The following CCDC30 variants were observed in gnomAD, a reference collection of about 807,000 sequenced individuals.
CCDC30 encodes coiled-coil domain-containing protein 30.
In CCDC30, 70 loss-of-function variants were observed where a neutral mutation model predicts 100.2. That is an observed-to-expected ratio of 0.70 (90% CI 0.58 to 0.85). The LOEUF (loss-of-function observed/expected upper bound fraction) is 0.85, where lower values mean the gene tolerates loss of function less well. Ranked by LOEUF, CCDC30 falls within the 40% of genes least tolerant of loss-of-function variation. CCDC30 has a pLI of 0.00. For synonymous variants in CCDC30, 233 were observed against 269.5 expected (o/e 0.86, Z 1.33); for missense variants, 652 against 771.2 (o/e 0.85, Z 1.83).
upstream of CCDC30, among the ~76,000 whole-genome samples, chr1:42,463,159 G>A (rs527293635): frequency 5.9e-5 from 9 of 152,302 alleles, no homozygotes; most frequent in South Asian, 1.7e-3. Context: ...CCCCCGACCC[G>A]AAGGCCAATG....
intron 11 of CCDC30, among the ~76,000 whole-genome samples, chr1:42,636,623 A>G (rs906264645): frequency 6.6e-6 from 1 of 152,126 alleles, no homozygotes; most frequent in African/African-American, 2.4e-5. Flanking sequence ...AAAATCAAGG[A>G]GTTTCCTAAA....
At chr1:42,600,808 G>GC (rs1553121287) in intron 10 of CCDC30, among the ~76,000 whole-genome samples, 2 of 146,784 alleles carry the variant, frequency 1.4e-5, no homozygotes, top group African/African-American at 5.0e-5. Flanking sequence ...TTCCCCCTGT[G>GC]CTCTCTCTCT....
At chr1:42,483,498 C>T (rs912530672) in intron 3 of CCDC30, among the ~76,000 whole-genome samples, 1 of 152,116 alleles carries the variant, frequency 6.6e-6, no homozygotes, top group Non-Finnish European at 1.5e-5. Flanking sequence ...ATTTTAGTTC[C>T]TCCACCTTGG....
At chr1:42,638,283 G>T (rs1360949580) in intron 12 of CCDC30, among the ~76,000 whole-genome samples, 1 of 152,112 alleles carries the variant, frequency 6.6e-6, no homozygotes, top group African/African-American at 2.4e-5. Flanking sequence ...GAGGCCAGGA[G>T]TTCAAGGTTA....
At chr1:42,589,402 C>T (rs200319474) in exon 10 of CCDC30, 121 of 1,613,610 alleles carry the variant, frequency 7.5e-5, no homozygotes, top group Admixed American at 7.0e-4. Context: ...TGGAAATGAC[C>T]TGTTCTCAGC....
At chr1:42,578,238 A>T (rs1052390494) in intron 8 of CCDC30, among the ~76,000 whole-genome samples, 1 of 152,366 alleles carries the variant, frequency 6.6e-6, no homozygotes, top group East Asian at 1.9e-4. Context: ...AACTAAAAAA[A>T]TCTAATGTTG....
downstream of CCDC30, among the ~76,000 whole-genome samples, chr1:42,656,104 C>A (rs754529119): frequency 6.6e-6 from 1 of 152,082 alleles, no homozygotes; most frequent in Middle Eastern, 3.4e-3. Context: ...TTTCTGGGCT[C>A]AAGTGATCCT....
intron 2 of CCDC30, among the ~76,000 whole-genome samples, chr1:42,481,966 C>G (rs1188692097): frequency 6.6e-6 from 1 of 152,084 alleles, no homozygotes; most frequent in Non-Finnish European, 1.5e-5. Context: ...TGCCTGTAAT[C>G]CCAGCACTTT....
At chr1:42,514,625 A>AT (rs950287581) in intron 6 of CCDC30, among the ~76,000 whole-genome samples, 2 of 151,958 alleles carry the variant, frequency 1.3e-5, no homozygotes, top group Admixed American at 1.3e-4. Flanking sequence ...CTCTTTATAT[A>AT]TTTTGTATAT....
At chr1:42,607,714 A>C (rs1322969594) in intron 10 of CCDC30, among the ~76,000 whole-genome samples, 1 of 152,224 alleles carries the variant, frequency 6.6e-6, no homozygotes, top group Non-Finnish European at 1.5e-5. Context: ...CACGGATTTA[A>C]AGCAGAAAGG....
chr1:42,555,425 A>G (rs1214308405), intron 6 of CCDC30, among the ~76,000 whole-genome samples: 1 of 152,068 alleles, frequency 6.6e-6, no homozygotes, highest in East Asian at 1.9e-4. Flanking sequence ...TTTCTCACTA[A>G]ATTGTAAGCT....
the CCDC30 span, chr1:42,457,690 C>A: frequency 1.8e-5 from 4 of 221,834 alleles, no homozygotes; most frequent in Non-Finnish European, 3.7e-5. Context: ...CGGTGGCTCA[C>A]GCCTGTAATC....
intron 11 of CCDC30, among the ~76,000 whole-genome samples, chr1:42,623,239 T>C (rs1646873914): frequency 6.6e-6 from 1 of 152,186 alleles, no homozygotes; most frequent in Non-Finnish European, 1.5e-5. Context: ...TTTAACTTGA[T>C]GTGATTCCAT....
intron 6 of CCDC30, among the ~76,000 whole-genome samples, chr1:42,563,052 C>G (rs1380454911): frequency 6.6e-6 from 1 of 152,154 alleles, no homozygotes; most frequent in Admixed American, 6.5e-5. Context: ...ATGGTGATTC[C>G]TCAAGGATCT....
chr1:42,529,396 CAGA>C (rs1644773895), intron 6 of CCDC30, among the ~76,000 whole-genome samples: 1 of 152,140 alleles, frequency 6.6e-6, no homozygotes, highest in South Asian at 2.1e-4. Flanking sequence ...AGCTTGAAAC[CAGA>C]AGACAGAGGT....
intron 6 of CCDC30, among the ~76,000 whole-genome samples, chr1:42,553,545 A>G (rs933089666): frequency 1.3e-5 from 2 of 151,820 alleles, no homozygotes; most frequent in African/African-American, 4.8e-5. Flanking sequence ...AATCCCAGCA[A>G]CTCAGGAGGC....
At chr1:42,521,216 T>A (rs1343628854) in intron 6 of CCDC30, 1 of 152,750 alleles carries the variant, frequency 6.5e-6, no homozygotes, top group African/African-American at 2.4e-5. Flanking sequence ...CCTGACCTCA[T>A]GATCCACCCG....
chr1:42,648,502 C>G (rs868042849), intron 15 of CCDC30, among the ~76,000 whole-genome samples: 1 of 152,010 alleles, frequency 6.6e-6, no homozygotes, highest in Non-Finnish European at 1.5e-5. Flanking sequence ...AACCCTGTCT[C>G]TACTAAAAAT....
intron 6 of CCDC30, among the ~76,000 whole-genome samples, chr1:42,530,022 G>C (rs1383504496): frequency 1.3e-5 from 2 of 152,228 alleles, no homozygotes; most frequent in Non-Finnish European, 2.9e-5. Flanking sequence ...CCTTCGACCA[G>C]TGCACCTACA....
Sources: allele counts gnomAD v4.1 joint callset (sites outside exome capture counted in the v4.1 genomes callset), GRCh38; gene constraint gnomAD v4.1.1; transcripts MANE v1.5; gene names NCBI Gene and HGNC (gene_info 2026-07-23, HGNC 2026-07-21).